The following IGSF23 variants were observed in gnomAD, a reference collection of about 807,000 sequenced individuals.
IGSF23 encodes immunoglobulin superfamily, member 23.
A neutral mutation model predicts 17.8 loss-of-function variants in IGSF23; 14 were observed. The ratio of observed to expected loss-of-function variants is 0.79; its 90% CI spans 0.52 to 1.23. The LOEUF is 1.23. IGSF23 is among the 50% of genes most tolerant of loss of function. IGSF23 has a pLI of 0.00. For synonymous variants in IGSF23, 85 were observed against 92.5 expected, an observed-to-expected ratio of 0.92 and a Z score of 0.46; for missense variants, 214 against 241.7, an observed-to-expected ratio of 0.89 and a Z score of 0.76.
intron 1 of IGSF23, among the ~76,000 whole-genome samples, chr19:44,615,610 C>T (rs1249701360): frequency 2.0e-5 from 3 of 147,478 alleles, no homozygotes; most frequent in Non-Finnish European, 3.0e-5. Context: ...GCAACAAGAG[C>T]GAAACTCCAT....
rs35551910 is a variant in IGSF23 at position 44,624,223 on chromosome 19, TTCCTCC to T, written c.391+265_391+270del. On this transcript the variant is annotated intron_variant, in intron 2 of 4. Transcript: ENST00000402988. The stretch of plus-strand genomic sequence containing the variant: ...CTTCTTTTTCTTTCTTCTCCTTCTT[TTCCTCC>T]TCCTCCTCCTCCTTCTTCTTCCTTC... 4.7e-5 allele frequency among the ~76,000 whole-genome samples: 7 copies of T among 148,950 alleles called. No homozygotes were observed. The South Asian group carries it at 6.4e-4, about 14-fold the overall frequency.
At chr19:44,633,590 A>T (rs970867522) in intron 3 of IGSF23, among the ~76,000 whole-genome samples, 1 of 152,188 alleles carries the variant, frequency 6.6e-6, no homozygotes, top group Non-Finnish European at 1.5e-5. Flanking sequence ...AAATATAGCT[A>T]CTTTGATATA....
At chr19:44,624,805 T>C (rs1386586923) in intron 2 of IGSF23, among the ~76,000 whole-genome samples, 1 of 145,608 alleles carries the variant, frequency 6.9e-6, no homozygotes, top group Non-Finnish European at 1.5e-5. Flanking sequence ...CTCACACCTG[T>C]AACCCCAGCA....
At chr19:44,620,383 G>GTA (rs2123717257) in intron 1 of IGSF23, among the ~76,000 whole-genome samples, 2 of 146,132 alleles carry the variant, frequency 1.4e-5, no homozygotes, top group African/African-American at 5.0e-5. Context: ...GTGTGTGTGT[G>GTA]TGAGATGGAG....
At chr19:44,635,139 G>A (rs111731414) in intron 3 of IGSF23, among the ~76,000 whole-genome samples, 2,193 of 152,276 alleles carry the variant, frequency 0.014, 54 homozygotes, top group African/African-American at 0.049. Flanking sequence ...TTCTCACTGT[G>A]TCCTCACGTG....
At chr19:44,633,657 G>A (rs1461541481) in intron 3 of IGSF23, among the ~76,000 whole-genome samples, 1 of 152,186 alleles carries the variant, frequency 6.6e-6, no homozygotes, top group Non-Finnish European at 1.5e-5. Flanking sequence ...AATTGGCCAC[G>A]TGGACGACCA....
chr19:44,627,643 C>T (rs1221100703), intron 3 of IGSF23, 70 bp downstream of exon 3: 33 of 1,462,430 alleles, frequency 2.3e-5, no homozygotes, highest in Non-Finnish European at 3.0e-5. Context: ...AGAGCTGGCT[C>T]AACAAGGAAA....
chr19:44,632,900 A>C (rs533216048), intron 3 of IGSF23, among the ~76,000 whole-genome samples: 1 of 152,336 alleles, frequency 6.6e-6, no homozygotes, highest in African/African-American at 2.4e-5. Flanking sequence ...TGAAATCATA[A>C]CTGAGCATTT....
chr19:44,636,667 CAG>C lies in IGSF23; in HGVS notation c.*281_*282del, dbSNP rs1491303950. The C allele has an allele frequency of 5.3e-5, 8 of 152,310 alleles. No individual in the cohort carries two copies. Among genetic ancestry groups the C allele is most frequent in the Admixed American group, 3.3e-4 (5 of 15,300 alleles). The allele number at this position is 152,310 out of a possible 1,614,324, so 9.4% of individuals were successfully genotyped here. On this transcript the variant is annotated 3_prime_UTR_variant, in exon 5 of 5. Coordinates refer to ENST00000402988, the MANE Select transcript of IGSF23 (RefSeq NM_001205280.2). ...CTGTGGGAGCTCAGTGCTCAGAAAACAGGGGGGAGGTTTTACCTTGGAAATTG... is the reference window on the plus strand; with the variant it reads ...CTGTGGGAGCTCAGTGCTCAGAAAACGGGGGAGGTTTTACCTTGGAAATTG...
At chr19:44,632,800 TTAA>T (rs1333389504) in intron 3 of IGSF23, among the ~76,000 whole-genome samples, 1 of 152,246 alleles carries the variant, frequency 6.6e-6, no homozygotes, top group African/African-American at 2.4e-5. Flanking sequence ...AAATTTAAAG[TTAA>T]TAATGCTAGA....
chr19:44,621,989 A>G (rs1473922295), intron 1 of IGSF23, among the ~76,000 whole-genome samples: 1 of 152,030 alleles, frequency 6.6e-6, no homozygotes, highest in Non-Finnish European at 1.5e-5. Flanking sequence ...TGGGAGGCCG[A>G]GGCGGGTGGA....
At chr19:44,616,917 G>A (rs932454885) in intron 1 of IGSF23, among the ~76,000 whole-genome samples, 1 of 150,928 alleles carries the variant, frequency 6.6e-6, no homozygotes, top group Non-Finnish European at 1.5e-5. Context: ...AGAGAGAGAG[G>A]GAGAAAGGTC....
intron 1 of IGSF23, among the ~76,000 whole-genome samples, chr19:44,614,918 C>T (rs2123712145): frequency 6.6e-6 from 1 of 152,200 alleles, no homozygotes; most frequent in African/African-American, 2.4e-5. Flanking sequence ...GGCTGGCTTC[C>T]CAGACCACAC....
rs1972684184 is a variant in IGSF23, at chr19:44,627,675, C to A, written c.545+102C>A. 5.3e-6 allele frequency: 7 copies of A among 1,326,594 alleles called. No homozygotes were observed. The South Asian group carries it at 1.0e-4, about 20-fold the overall frequency. The allele number at this position is 1,326,594 out of a possible 1,614,324, so 82.2% of individuals were successfully genotyped here. On this transcript the variant is annotated intron_variant, in intron 3 of 4. Transcript: ENST00000402988. ...GAAACAGAGATGAAACCAACACCCC[C>A]ATCAGGGAGGGTGATAGCGACTCCT... is the stretch of plus-strand genomic sequence containing the variant.
chr19:44,631,794 C>A (rs530669597), intron 3 of IGSF23, among the ~76,000 whole-genome samples: 2 of 152,346 alleles, frequency 1.3e-5, no homozygotes, highest in East Asian at 1.9e-4. Context: ...ATCACTCATG[C>A]GGTTGTTTGT....
At chr19:44,625,659 G>C (rs1467651574) in intron 2 of IGSF23, among the ~76,000 whole-genome samples, 2 of 152,192 alleles carry the variant, frequency 1.3e-5, no homozygotes, top group African/African-American at 4.8e-5. Context: ...TTGAATAGCA[G>C]CTGTTATGGT....
In IGSF23 at chr19:44,627,301, G is replaced by A. The variant is rs138806795; in HGVS notation, c.392-119G>A. ...GGGAGGAGAGGGGGCCAGAGACCTG[G>A]AGGATGGAAGAGAAGGATGGATTGA... On this transcript the variant is annotated intron_variant, in intron 2 of 4. Transcript: ENST00000402988. The A allele has an allele frequency of 1.7e-3, 1,763 of 1,056,844 alleles. 14 individuals carry two copies. The African/African-American group carries it at 0.021, about 13-fold the overall frequency. 65.5% of individuals were successfully genotyped at this position (1,056,844 alleles called of 1,614,324 possible).
intron 4 of IGSF23, among the ~76,000 whole-genome samples, chr19:44,636,026 A>G (rs896941109): frequency 1.3e-5 from 2 of 152,200 alleles, no homozygotes; most frequent in South Asian, 2.1e-4. Flanking sequence ...AGCTGGGACA[A>G]CTGGCCTCTC....
chr19:44,618,180 G>A (rs555582631), intron 1 of IGSF23: 7 of 471,060 alleles, frequency 1.5e-5, no homozygotes, highest in African/African-American at 6.0e-5. Context: ...TCCTGTCCCC[G>A]GAAGGCTTGA....
Sources: gnomAD v4.1 joint callset for allele counts (sites outside exome capture counted in the v4.1 genomes callset) on GRCh38, gnomAD v4.1.1 for gene constraint, MANE v1.5 for transcripts, NCBI Gene and HGNC (gene_info 2026-07-23, HGNC 2026-07-21) for gene names.